Variants in NTM observed in about 807,000 individuals in gnomAD.
NTM encodes neurotrimin, also known as IgLON family member 2.
A neutral mutation model predicts 42.1 loss-of-function variants in NTM; 13 were observed. The observed-to-expected ratio is 0.31, with a 90% CI of 0.20 to 0.49. The LOEUF (loss-of-function observed/expected upper bound fraction) is 0.49, where lower values mean the gene tolerates loss of function less well. Among genes scored for constraint, NTM ranks in the 20% least tolerant of loss-of-function variants. The pLI is 0.99. For synonymous variants in NTM, 187 were observed against 179.2 expected (o/e 1.04, Z -0.35); for missense variants, 373 against 452.8 (o/e 0.82, Z 1.60).
chr11:132,066,624 C>A (rs1285378021), intron 2 of NTM, among the ~76,000 whole-genome samples: 1 of 152,168 alleles, frequency 6.6e-6, no homozygotes, highest in East Asian at 1.9e-4. Flanking sequence ...TATTTCTCAT[C>A]TCTTCTTTCT....
chr11:131,629,233 A>G (rs757328957), intron 1 of NTM, among the ~76,000 whole-genome samples: 2 of 151,714 alleles, frequency 1.3e-5, no homozygotes, highest in Non-Finnish European at 2.9e-5. Flanking sequence ...CTGCAAATAC[A>G]TTAAAGATTT....
chr11:132,039,118 C>A lies in NTM; in HGVS notation c.168-107164C>A, dbSNP rs918041063. ...ACTCTGCCCAGGGAGATGGGTGAGG[C>A]CCGGCCCTTTGGGCTTTGAGGTCTG... On this transcript the variant is annotated intron_variant, in intron 2 of 8. Coordinates refer to ENST00000683400, the MANE Select transcript of NTM (RefSeq NM_001352005.2). Among the ~76,000 whole-genome samples the A allele has an allele frequency of 3.4e-4, 51 of 152,200 alleles. 1 individual carries two copies. Among genetic ancestry groups the A allele is most frequent in the Non-Finnish European group, 2.4e-4 (16 of 68,028 alleles).
chr11:131,445,855 T>C (rs1244748073), intron 1 of NTM, among the ~76,000 whole-genome samples: 1 of 152,182 alleles, frequency 6.6e-6, no homozygotes, highest in African/African-American at 2.4e-5. Context: ...TGCCACTTAT[T>C]AGTTTCTACT....
At chr11:131,609,740 C>T (rs539055963) in intron 1 of NTM, among the ~76,000 whole-genome samples, 13 of 152,346 alleles carry the variant, frequency 8.5e-5, no homozygotes, top group African/African-American at 3.1e-4. Context: ...ATTCACTCCT[C>T]TTGAAGAGCC....
intron 1 of NTM, among the ~76,000 whole-genome samples, chr11:131,848,585 A>C (rs1481896977): frequency 6.6e-6 from 1 of 152,232 alleles, no homozygotes; most frequent in African/African-American, 2.4e-5. Context: ...GAAGAGGTCC[A>C]CTTCCCTTTG....
Position 132,114,226 on chromosome 11 carries a change from G to A in NTM, c.168-32056G>A, listed in dbSNP as rs147120223. Among the ~76,000 whole-genome samples the A allele has an allele frequency of 2.6e-4, 40 of 152,338 alleles. No homozygotes were observed. The East Asian group carries it at 7.3e-3, about 28-fold the overall frequency. On this transcript the variant is annotated intron_variant, in intron 2 of 8. Coordinates refer to ENST00000683400, the MANE Select transcript of NTM (RefSeq NM_001352005.2). ...TCTAAAAATGTGTTTAAAATAAAGA[G>A]CAAGTGTTGTTCAAGGCATGTATCA... is the stretch of plus-strand genomic sequence containing the variant.
intron 2 of NTM, among the ~76,000 whole-genome samples, chr11:131,913,048 C>T (rs1592796078): frequency 6.6e-6 from 1 of 152,164 alleles, no homozygotes; most frequent in African/African-American, 2.4e-5. Context: ...CCACCTCTTC[C>T]ACTCTTCTGA....
At position 131,911,286 on chromosome 11, in the gene NTM, A is replaced by T. The variant is rs1592770355; in HGVS notation, c.83-278A>T. ...GAACCGGTTTTCCGAGGCTGGCAAAAGCCGAGGCTGGATTTGGGGGAGGAA... is the reference window on the plus strand; with the variant it reads ...GAACCGGTTTTCCGAGGCTGGCAAATGCCGAGGCTGGATTTGGGGGAGGAA... On this transcript the variant is annotated intron_variant, in intron 1 of 8. Coordinates refer to ENST00000683400, the MANE Select transcript of NTM (RefSeq NM_001352005.2). 4 of 1,425,820 alleles carry T rather than the reference A, an allele frequency of 2.8e-6. No homozygotes were observed. The African/African-American group carries it at 4.3e-5, about 15-fold the overall frequency. The allele number at this position is 1,425,820 out of a possible 1,614,324, so 88.3% of individuals were successfully genotyped here.
intron 1 of NTM, among the ~76,000 whole-genome samples, chr11:131,481,786 C>G (rs1953624903): frequency 6.6e-6 from 1 of 152,102 alleles, no homozygotes; most frequent in Non-Finnish European, 1.5e-5. Context: ...AGCCACACAG[C>G]CCCACCTTAG....
At chr11:131,920,040 T>A (rs563214518) in intron 2 of NTM, among the ~76,000 whole-genome samples, 6 of 152,170 alleles carry the variant, frequency 3.9e-5, no homozygotes, top group Admixed American at 3.9e-4. Flanking sequence ...GTAAAAAGAT[T>A]GTTGCATAGC....
intron 7 of NTM, among the ~76,000 whole-genome samples, chr11:132,329,605 G>C (rs562277269): frequency 1.3e-5 from 2 of 152,236 alleles, no homozygotes; most frequent in Non-Finnish European, 2.9e-5. Context: ...GTACATGGAA[G>C]CTGACTCACC....
At chr11:132,197,222 G>C (rs976701223) in intron 3 of NTM, among the ~76,000 whole-genome samples, 1 of 152,130 alleles carries the variant, frequency 6.6e-6, no homozygotes, top group Non-Finnish European at 1.5e-5. Context: ...TGGAAGGGTA[G>C]ATCTGCTCAA....
At chr11:131,643,830 A>G (rs908507263) in intron 1 of NTM, among the ~76,000 whole-genome samples, 6 of 152,168 alleles carry the variant, frequency 3.9e-5, no homozygotes, top group Non-Finnish European at 8.8e-5. Flanking sequence ...CAAACTCAGT[A>G]CTGTGAGAGA....
chr11:132,189,260 G>T (rs1294147861), intron 3 of NTM, among the ~76,000 whole-genome samples: 1 of 152,170 alleles, frequency 6.6e-6, no homozygotes, highest in Non-Finnish European at 1.5e-5. Flanking sequence ...AGCTGGGAAA[G>T]AAATAGCCCA....
intron 4 of NTM, among the ~76,000 whole-genome samples, chr11:132,286,752 C>T (rs1406500459): frequency 6.6e-6 from 1 of 152,200 alleles, no homozygotes; most frequent in East Asian, 1.9e-4. Context: ...GTGGCTAGAG[C>T]AGGGCACAGT....
intron 1 of NTM, among the ~76,000 whole-genome samples, chr11:131,542,613 C>T (rs2053423593): frequency 6.6e-6 from 1 of 152,114 alleles, no homozygotes; most frequent in Non-Finnish European, 1.5e-5. Context: ...CCAAATGTAC[C>T]CCCTATTTTA....
chr11:131,492,191 C>T (rs1261626037), intron 1 of NTM, among the ~76,000 whole-genome samples: 1 of 152,192 alleles, frequency 6.6e-6, no homozygotes, highest in African/African-American at 2.4e-5. Context: ...ATTTTACATA[C>T]AGCATCTCAC....
chr11:131,470,651 G>A (rs185727520), intron 1 of NTM, among the ~76,000 whole-genome samples: 2 of 152,270 alleles, frequency 1.3e-5, no homozygotes. Context: ...TTACTTCGAG[G>A]CTCTCCTCTG....
chr11:132,141,614 A>G (rs2069168278), intron 2 of NTM, among the ~76,000 whole-genome samples: 1 of 152,078 alleles, frequency 6.6e-6, no homozygotes, highest in African/African-American at 2.4e-5. Context: ...GGCCAAATAC[A>G]CCCTGAATAT....
Sources: allele counts gnomAD v4.1 joint callset (sites outside exome capture counted in the v4.1 genomes callset), GRCh38; gene constraint gnomAD v4.1.1; transcripts MANE v1.5; gene names NCBI Gene and HGNC (gene_info 2026-07-23, HGNC 2026-07-21).